SGPL1: variants seen among roughly 807,000 people sequenced by gnomAD.
The protein encoded by SGPL1 is SP-lyase 1.
Under a neutral mutation model 68.9 loss-of-function variants are expected in SGPL1, and 37 were observed. That is an observed-to-expected ratio of 0.54 (90% CI 0.41 to 0.71). The LOEUF (loss-of-function observed/expected upper bound fraction) is 0.71, where lower values mean the gene tolerates loss of function less well. Among genes scored for constraint, SGPL1 ranks in the 30% least tolerant of loss-of-function variants. SGPL1 has a pLI of 0.00. For synonymous variants in SGPL1, 236 were observed against 248.5 expected (o/e 0.95, Z 0.47); for missense variants, 551 against 704.6 (o/e 0.78, Z 2.47).
chr10:70,824,986 G>A (rs1361651556), intron 2 of SGPL1, among the ~76,000 whole-genome samples: 1 of 127,872 alleles, frequency 7.8e-6, no homozygotes, highest in Admixed American at 8.3e-5. Flanking sequence ...TTTTTTTTGA[G>A]ACAAGTCTTG....
Position 70,875,394 on chromosome 10 carries a change from GT to G in SGPL1, c.1299-4del. ...TTTTTCTTCCTTCATTTATTTTTTT[GT>G]TTTAAGACTGGAAAATATCAAAGGC... On this transcript the variant is annotated splice_region_variant and splice_polypyrimidine_tract_variant and intron_variant, in intron 12 of 14. Transcript: ENST00000373202. 1 of 1,576,820 alleles carries G rather than the reference GT, an allele frequency of 6.3e-7. No homozygotes were observed. Among genetic ancestry groups the G allele is most frequent in the Non-Finnish European group, 8.7e-7 (1 of 1,149,836 alleles).
At chr10:70,826,312 A>G (rs1458500887) in intron 2 of SGPL1, among the ~76,000 whole-genome samples, 2 of 152,134 alleles carry the variant, frequency 1.3e-5, no homozygotes, top group East Asian at 1.9e-4. Flanking sequence ...TTCCCATTCC[A>G]TTCCATGCCG....
intron 2 of SGPL1, among the ~76,000 whole-genome samples, chr10:70,842,581 G>A (rs1042824745): frequency 1.3e-5 from 2 of 152,110 alleles, no homozygotes; most frequent in South Asian, 2.1e-4. Context: ...GAGCAGGCAC[G>A]TCACATGGCA....
intron 2 of SGPL1, among the ~76,000 whole-genome samples, chr10:70,824,152 G>A (rs1845390996): frequency 6.6e-6 from 1 of 152,196 alleles, no homozygotes; most frequent in East Asian, 1.9e-4. Context: ...CCTGCCTTAC[G>A]GAAATGTTTA....
intron 1 of SGPL1, 120 bp downstream of exon 1, chr10:70,816,246 G>A: frequency 7.0e-6 from 1 of 142,148 alleles, no homozygotes; most frequent in South Asian, 1.9e-4. Context: ...GGCGGCTGCG[G>A]CCGGGGCGGG....
At chr10:70,848,409 A>T (rs566211355) in intron 3 of SGPL1, among the ~76,000 whole-genome samples, 225 of 150,988 alleles carry the variant, frequency 1.5e-3, no homozygotes, top group African/African-American at 5.3e-3. Flanking sequence ...TCAAATGTGT[A>T]AGTTGTGGAA....
intron 2 of SGPL1, among the ~76,000 whole-genome samples, chr10:70,832,702 T>G (rs1466338263): frequency 1.3e-5 from 2 of 152,250 alleles, no homozygotes; most frequent in Non-Finnish European, 2.9e-5. Context: ...GTCATTTAGC[T>G]ATTTATTGTC....
chr10:70,837,329 C>T (rs777446801), intron 2 of SGPL1, among the ~76,000 whole-genome samples: 2 of 152,068 alleles, frequency 1.3e-5, no homozygotes, highest in Admixed American at 6.6e-5. Context: ...CTACCCACCT[C>T]GGCCTCCCAG....
At chr10:70,867,447 G>A (rs1337262380) in intron 7 of SGPL1, among the ~76,000 whole-genome samples, 6 of 151,862 alleles carry the variant, frequency 4.0e-5, no homozygotes, top group Non-Finnish European at 8.8e-5. Flanking sequence ...CCTGTAATCC[G>A]AGCTACTCGG....
chr10:70,875,270 G>A (rs1190554064), intron 12 of SGPL1, 132 bp from the exon 13 acceptor site: 1 of 609,312 alleles, frequency 1.6e-6, no homozygotes, highest in Admixed American at 2.9e-5. Context: ...TTGAAGATGA[G>A]AAGACTAAAG....
chr10:70,878,924 C>G lies in SGPL1; in HGVS notation c.*1589C>G, dbSNP rs1846447760. ...TGTAATCCCTTCCCAAGACTAGCTG[C>G]TCAGGGTGGTGCAGGGACAGGACCA... On this transcript the variant is annotated 3_prime_UTR_variant, in exon 15 of 15. Coordinates refer to ENST00000373202, the MANE Select transcript of SGPL1 (RefSeq NM_003901.4). 1 of 152,754 alleles carries G rather than the reference C, an allele frequency of 6.5e-6. No individual in the cohort carries two copies. Among genetic ancestry groups the G allele is most frequent in the South Asian group, 2.1e-4 (1 of 4,830 alleles). 9.5% of individuals were successfully genotyped at this position (152,754 alleles called of 1,614,324 possible). A position where few individuals can be genotyped will look rare whatever the true frequency, so the allele number is the denominator to read the frequency against.
chr10:70,827,672 A>C (rs765876127), intron 2 of SGPL1, among the ~76,000 whole-genome samples: 3 of 152,192 alleles, frequency 2.0e-5, no homozygotes, highest in Non-Finnish European at 4.4e-5. Context: ...TAAAAAAATC[A>C]TAGGGCTTTT....
At chr10:70,826,774 A>G (rs111784437) in intron 2 of SGPL1, among the ~76,000 whole-genome samples, 2 of 152,304 alleles carry the variant, frequency 1.3e-5, no homozygotes, top group African/African-American at 4.8e-5. Context: ...AACTTGATGT[A>G]AATGGATGCA....
At chr10:70,829,224 C>T (rs1845491378) in intron 2 of SGPL1, among the ~76,000 whole-genome samples, 1 of 152,140 alleles carries the variant, frequency 6.6e-6, no homozygotes, top group Admixed American at 6.5e-5. Flanking sequence ...GGCCAGAGGG[C>T]ACTCGCAGCC....
At chr10:70,844,710 G>A (rs1845765481) in intron 3 of SGPL1, 72 bp downstream of exon 3, 2 of 1,388,308 alleles carry the variant, frequency 1.4e-6, no homozygotes. Context: ...TGAGAGATAG[G>A]ACTAATTTAT....
rs1846454261 is a variant in SGPL1 at position 70,879,189 on chromosome 10, T to A, written c.*1854T>A. The A allele has an allele frequency of 6.5e-6, 1 of 152,748 alleles. No homozygotes were observed. Among genetic ancestry groups the A allele is most frequent in the African/African-American group, 2.4e-5 (1 of 41,474 alleles). 9.5% of individuals were successfully genotyped at this position (152,748 alleles called of 1,614,324 possible). On this transcript the variant is annotated 3_prime_UTR_variant, in exon 15 of 15. Coordinates refer to ENST00000373202, the MANE Select transcript of SGPL1 (RefSeq NM_003901.4). Reference sequence around the variant, plus strand: ...TTCCATTCCCCATCTCAGGGACTCCTGAATATTCAGCCTCTCCAGGCTGGT... The same window carrying A: ...TTCCATTCCCCATCTCAGGGACTCCAGAATATTCAGCCTCTCCAGGCTGGT...
At chr10:70,831,126 GCCTCCTCATAATCAGAATCTGGTAA>G (rs941993044) in intron 2 of SGPL1, among the ~76,000 whole-genome samples, 4 of 152,098 alleles carry the variant, frequency 2.6e-5, no homozygotes, top group Non-Finnish European at 5.9e-5. Context: ...GCCGTAAACA[GCCTCCTCATAATCAGAATCTGGTAA>G]CCCGGAGGGG....
Position 70,869,885 on chromosome 10 carries a change from G to A in SGPL1, c.798G>A (p.Glu266=), listed in dbSNP as rs150511613. 19 of 1,613,762 alleles carry A rather than the reference G, an allele frequency of 1.2e-5. No individual in the cohort carries two copies. The highest frequency in any genetic ancestry group is 1.4e-5 in the Non-Finnish European group (17 of 1,179,834). ...GGGTCCCATTGACGAAGATGATGGA[G>A]GTGGATGTGCGGGTGAGTCCCTCTG... The part of the protein sequence containing the change: ...IVRVPLTKMM[E]VDVRAMRRAI... The change falls in exon 9 of 15, where the codon GAG becomes GAA. Residue 266 remains glutamate (E), a synonymous_variant. Transcript: ENST00000373202.
intron 7 of SGPL1, 161 bp downstream of exon 7, chr10:70,859,660 G>C (rs2131913432): frequency 4.4e-6 from 1 of 228,348 alleles, no homozygotes; most frequent in South Asian, 1.7e-4. Context: ...TACTACACAA[G>C]GAATATTTGA....
Sources: allele counts gnomAD v4.1 joint callset (sites outside exome capture counted in the v4.1 genomes callset), GRCh38; gene constraint gnomAD v4.1.1; transcripts MANE v1.5; gene names NCBI Gene and HGNC (gene_info 2026-07-23, HGNC 2026-07-21).